The following SEMA3C variants were observed in gnomAD, a reference collection of about 807,000 sequenced individuals.
SEMA3C encodes the protein semaphorin 3C.
Under a neutral mutation model 89.4 loss-of-function variants are expected in SEMA3C, and 47 were observed. That is an observed-to-expected ratio of 0.53 (90% CI 0.42 to 0.67). The LOEUF (loss-of-function observed/expected upper bound fraction) is 0.67, where lower values mean the gene tolerates loss of function less well. SEMA3C is among the 30% of genes least tolerant of loss of function. The pLI is 0.00. For synonymous variants in SEMA3C, 310 were observed against 320.2 expected (o/e 0.97, Z 0.34); for missense variants, 839 against 929.1 (o/e 0.90, Z 1.26).
intron 14 of SEMA3C, among the ~76,000 whole-genome samples, chr7:80,760,461 TC>T (rs1401034778): frequency 3.3e-5 from 5 of 152,328 alleles, no homozygotes; most frequent in South Asian, 2.1e-4. Flanking sequence ...GAATGGCTTC[TC>T]GTTACTTGGG....
Position 80,788,789 on chromosome 7 carries a change from G to C in SEMA3C, c.1354+517C>G, listed in dbSNP as rs17154448. ...TCATTATCATTATCCTTAGAAAATGGCTTCATGTATTGATTAAGAAGTCAC... is the reference window on the plus strand; with the variant it reads ...TCATTATCATTATCCTTAGAAAATGCCTTCATGTATTGATTAAGAAGTCAC... On this transcript the variant is annotated intron_variant, in intron 12 of 17. Transcript: ENST00000265361. Among the ~76,000 whole-genome samples, 688 of 152,106 alleles carry C rather than the reference G, an allele frequency of 4.5e-3. 32 individuals carry two copies. In the East Asian group the frequency reaches 0.1, roughly 23 times the overall value.
chr7:80,824,192 T>C (rs1322890667), intron 4 of SEMA3C, among the ~76,000 whole-genome samples: 1 of 152,196 alleles, frequency 6.6e-6, no homozygotes, highest in East Asian at 1.9e-4. Flanking sequence ...CAGTATGGAT[T>C]TTAATTGCTA....
intron 12 of SEMA3C, among the ~76,000 whole-genome samples, chr7:80,781,082 C>T (rs1488534912): frequency 6.6e-6 from 1 of 152,174 alleles, no homozygotes; most frequent in Admixed American, 6.5e-5. Flanking sequence ...TCTCCAAAGC[C>T]AGCTAAGTCA....
intron 9 of SEMA3C, 40 bp downstream of exon 9, chr7:80,802,624 GC>G: frequency 3.0e-6 from 4 of 1,334,198 alleles, no homozygotes; most frequent in Non-Finnish European, 4.3e-6. Context: ...AACTTTACAA[GC>G]CTTCTTTCAG....
chr7:80,818,294 C>A lies in SEMA3C; in HGVS notation c.447+5G>T. 1.3e-6 allele frequency: 2 copies of A among 1,597,124 alleles called. No individual in the cohort carries two copies. The highest frequency in any genetic ancestry group is 1.1e-5 in the South Asian group (1 of 89,238). ...AAACTAAGAATGTTAAATAGTTATACTTACCTCTGATCTCCTCCCTCTGTT... is the reference window on the plus strand; with the variant it reads ...AAACTAAGAATGTTAAATAGTTATAATTACCTCTGATCTCCTCCCTCTGTT... On this transcript the variant is annotated splice_donor_5th_base_variant and intron_variant, in intron 5 of 17. Coordinates refer to ENST00000265361, the MANE Select transcript of SEMA3C (RefSeq NM_006379.5).
At chr7:80,765,324 C>A in intron 12 of SEMA3C, 81 bp from the exon 13 acceptor site, 2 of 971,120 alleles carry the variant, frequency 2.1e-6, no homozygotes, top group African/African-American at 1.6e-5. Flanking sequence ...CTGACTTGGA[C>A]CATTATTTAC....
At chr7:80,847,508 T>C (rs758860460) in intron 2 of SEMA3C, among the ~76,000 whole-genome samples, 14 of 152,198 alleles carry the variant, frequency 9.2e-5, no homozygotes, top group Non-Finnish European at 1.6e-4. Context: ...TATTGTATTA[T>C]GGACTGGTAA....
rs78190765 is a variant in SEMA3C, at chr7:80,752,151, T to C, written c.1644-815A>G. Among the ~76,000 whole-genome samples the C allele has an allele frequency of 1.8e-3, 271 of 152,326 alleles. 13 individuals are homozygous for C. In the East Asian group the frequency reaches 0.046, roughly 26 times the overall value. ...ATATTTCAACATAACAATATAATTA[T>C]CTAAATATATTGATATTTAACAACA... is the stretch of plus-strand genomic sequence containing the variant. On this transcript the variant is annotated intron_variant, in intron 15 of 17. Transcript: ENST00000265361.
rs117444235 is a variant in SEMA3C at position 80,891,373 on chromosome 7, A to G, written c.103+25306T>C. Among the ~76,000 whole-genome samples the G allele has an allele frequency of 8.8e-4, 134 of 152,108 alleles. 1 individual carries two copies. In the East Asian group the frequency reaches 0.023, roughly 26 times the overall value. On this transcript the variant is annotated intron_variant, in intron 2 of 17. Transcript: ENST00000265361. ...CTCACTCCTTATCCCTCCCTCCCCCATAATACTTCTACTGCTTCCCTAGTA... is the reference window on the plus strand; with the variant it reads ...CTCACTCCTTATCCCTCCCTCCCCCGTAATACTTCTACTGCTTCCCTAGTA...
Position 80,833,137 on chromosome 7 carries a change from G to C in SEMA3C, c.104-4392C>G, listed in dbSNP as rs532382724. On this transcript the variant is annotated intron_variant, in intron 2 of 17. Transcript: ENST00000265361. ...GTTCTCCTCCTTGCCTGTTTCATTA[G>C]AAAATCGTCAATCCAGGCCTGGCAC... Among the ~76,000 whole-genome samples, 86 of 152,156 alleles carry C rather than the reference G, an allele frequency of 5.7e-4. 1 individual carries two copies. The South Asian group carries it at 0.018, about 31-fold the overall frequency.
chr7:80,813,378 G>A (rs929192852), intron 5 of SEMA3C, among the ~76,000 whole-genome samples: 1 of 152,100 alleles, frequency 6.6e-6, no homozygotes, highest in Non-Finnish European at 1.5e-5. Context: ...ATCACAACTG[G>A]TTCTGTCATC....
At chr7:80,780,247 T>A (rs1180545539) in intron 12 of SEMA3C, among the ~76,000 whole-genome samples, 1 of 152,194 alleles carries the variant, frequency 6.6e-6, no homozygotes, top group Non-Finnish European at 1.5e-5. Context: ...CTCCATTGGG[T>A]CAAGAGATTC....
Position 80,798,144 on chromosome 7 carries a change from T to A in SEMA3C, c.1079A>T (p.Asn360Ile). The change falls in exon 11 of 18, where the codon AAT (asparagine) becomes ATT (isoleucine). Residue 360 changes from asparagine to isoleucine, a missense_variant. Asn to Ile is a moderately radical substitution (Grantham distance 149). Transcript: ENST00000265361. ...NGPFAHKEGP[N>I]HQLISYQGRI... ...GCCCTGATAGGAAATCAGCTGATGA[T>A]TGGGCCCTTCTTTGTGGGCAAAAGG... 1 of 1,608,680 alleles carries A rather than the reference T, an allele frequency of 6.2e-7. No individual in the cohort carries two copies.
At chr7:80,827,614 CTTTT>C (rs1222562687) in intron 3 of SEMA3C, 127 bp from the exon 4 acceptor site, 1 of 534,264 alleles carries the variant, frequency 1.9e-6, no homozygotes, top group Non-Finnish European at 3.0e-6. Flanking sequence ...AAAATTCTTT[CTTTT>C]TTATCAATTC....
At position 80,861,846 on chromosome 7, in the gene SEMA3C, C is replaced by T. The variant is rs184937258; in HGVS notation, c.104-33101G>A. Among the ~76,000 whole-genome samples the T allele has an allele frequency of 5.3e-5, 8 of 152,186 alleles. No homozygotes were observed. The East Asian group carries it at 5.8e-4, about 11-fold the overall frequency. ...AACAGATTTTAAAACCAAAATCACA[C>T]GATCATCTCAACAGATGCAGAAAAA... is the stretch of plus-strand genomic sequence containing the variant. On this transcript the variant is annotated intron_variant, in intron 2 of 17. Coordinates refer to ENST00000265361, the MANE Select transcript of SEMA3C (RefSeq NM_006379.5).
chr7:80,814,872 G>T lies in SEMA3C; in HGVS notation c.447+3427C>A, dbSNP rs144891842. On this transcript the variant is annotated intron_variant, in intron 5 of 17. Coordinates refer to ENST00000265361, the MANE Select transcript of SEMA3C (RefSeq NM_006379.5). ...ACCATTGCTATCACCTGAGTACAAC[G>T]ATCTCTTTTGTGGTCTTCTATGTCA... 3.8e-3 allele frequency among the ~76,000 whole-genome samples: 576 copies of T among 152,042 alleles called. 3 individuals carry two copies. The highest frequency in any genetic ancestry group is 0.013 in the African/African-American group (540 of 41,446).
chr7:80,838,494 CAT>C (rs1790189134), intron 2 of SEMA3C, among the ~76,000 whole-genome samples: 2 of 152,114 alleles, frequency 1.3e-5, no homozygotes, highest in South Asian at 4.1e-4. Context: ...ATCTTAGAAA[CAT>C]AGCCACAGTA....
At chr7:80,863,338 T>TA (rs1562911402) in intron 2 of SEMA3C, among the ~76,000 whole-genome samples, 15 of 145,262 alleles carry the variant, frequency 1.0e-4, no homozygotes, top group African/African-American at 3.1e-4. Flanking sequence ...AATCAAAATA[T>TA]TAAAAAAAAA....
chr7:80,813,732 A>T (rs1238796334), intron 5 of SEMA3C, among the ~76,000 whole-genome samples: 1 of 152,110 alleles, frequency 6.6e-6, no homozygotes, highest in African/African-American at 2.4e-5. Flanking sequence ...GCTTTATGCC[A>T]TTATTTAAAC....
Sources: allele counts gnomAD v4.1 joint callset (sites outside exome capture counted in the v4.1 genomes callset), GRCh38; gene constraint gnomAD v4.1.1; transcripts MANE v1.5; gene names NCBI Gene and HGNC (gene_info 2026-07-23, HGNC 2026-07-21).